CREBRF: variants seen among roughly 807,000 people sequenced by gnomAD.
CREBRF encodes CREB3 regulatory factor.
A neutral mutation model predicts 66.1 loss-of-function variants in CREBRF; 5 were observed. That is an observed-to-expected ratio of 0.08 (90% confidence interval 0.04 to 0.16). The LOEUF (loss-of-function observed/expected upper bound fraction) is 0.16. Among genes scored for constraint, CREBRF ranks in the 10% least tolerant of loss-of-function variants. The pLI, the probability that CREBRF is intolerant of heterozygous loss-of-function variation, is 1.00. For missense variants in CREBRF, 531 were observed against 744.9 expected (o/e 0.71, Z 3.34); for synonymous variants, 229 against 264.4 (o/e 0.87, Z 1.30).
chr5:173,066,343 C>T (rs1409731825), intron 1 of CREBRF, among the ~76,000 whole-genome samples: 1 of 152,130 alleles, frequency 6.6e-6, no homozygotes, highest in Admixed American at 6.6e-5. Context: ...ATGTGACTGC[C>T]TATGTGCCCT....
Position 173,133,807 on chromosome 5 carries a change from T to A in CREBRF, c.*62T>A. 2.3e-6 allele frequency: 2 copies of A among 858,268 alleles called. No individual in the cohort carries two copies. The highest frequency in any genetic ancestry group is 3.1e-5 in the South Asian group (2 of 64,638). The allele number at this position is 858,268 out of a possible 1,614,324, so 53.2% of individuals were successfully genotyped here. A position where few individuals can be genotyped will look rare whatever the true frequency, so the allele number is the denominator to read the frequency against. ...TTTTGTCACGTTATCCATTGTAAAT[T>A]TTCATTCTGTTTTGCATGTCAGTTA... is the stretch of plus-strand genomic sequence containing the variant. On this transcript the variant is annotated 3_prime_UTR_variant, in exon 9 of 9. Coordinates refer to ENST00000296953, the MANE Select transcript of CREBRF (RefSeq NM_153607.3).
chr5:173,134,732 A>G lies in CREBRF; in HGVS notation c.*987A>G, dbSNP rs1759549043. ...GCACAGCTTACATGATACTGTATGA[A>G]TGTATGAAAAAAAAGGAGAAAAAAA... is the stretch of plus-strand genomic sequence containing the variant. On this transcript the variant is annotated 3_prime_UTR_variant, in exon 9 of 9. Coordinates refer to ENST00000296953, the MANE Select transcript of CREBRF (RefSeq NM_153607.3). 6.6e-6 allele frequency: 1 copy of G among 152,348 alleles called. No homozygotes were observed. Among genetic ancestry groups the G allele is most frequent in the African/African-American group, 2.4e-5 (1 of 41,400 alleles). The allele number at this position is 152,348 out of a possible 1,614,324, so 9.4% of individuals were successfully genotyped here. A position where few individuals can be genotyped will look rare whatever the true frequency, so the allele number is the denominator to read the frequency against.
chr5:173,081,224 C>T (rs1371412400), intron 2 of CREBRF, among the ~76,000 whole-genome samples: 1 of 152,158 alleles, frequency 6.6e-6, no homozygotes, highest in Non-Finnish European at 1.5e-5. Flanking sequence ...CTCTCTTTCT[C>T]ATAGACACAC....
At chr5:173,105,681 G>A (rs1758731782) in intron 4 of CREBRF, among the ~76,000 whole-genome samples, 1 of 111,130 alleles carries the variant, frequency 9.0e-6, no homozygotes, top group African/African-American at 3.7e-5. Context: ...GGACAGGCTG[G>A]TCTTGAATTC....
At chr5:173,103,289 G>A (rs1320390994) in intron 4 of CREBRF, among the ~76,000 whole-genome samples, 1 of 152,298 alleles carries the variant, frequency 6.6e-6, no homozygotes, top group East Asian at 1.9e-4. Flanking sequence ...TATTTGGACA[G>A]TTCTCACAAA....
intron 1 of CREBRF, among the ~76,000 whole-genome samples, chr5:173,058,985 C>T (rs1399308742): frequency 1.3e-5 from 2 of 151,134 alleles, no homozygotes; most frequent in African/African-American, 2.4e-5. Context: ...TTAATAGAGA[C>T]GGGGTTTCAC....
At chr5:173,097,003 G>A (rs544447811) in intron 4 of CREBRF, among the ~76,000 whole-genome samples, 1 of 152,202 alleles carries the variant, frequency 6.6e-6, no homozygotes, top group African/African-American at 2.4e-5. Context: ...AACATGGCTT[G>A]CTAGTATTTT....
chr5:173,059,544 G>A (rs781720863), intron 1 of CREBRF, among the ~76,000 whole-genome samples: 4 of 152,136 alleles, frequency 2.6e-5, no homozygotes, highest in African/African-American at 4.8e-5. Flanking sequence ...GATTACAGGC[G>A]TGAGCCACCG....
chr5:173,111,505 G>A (rs539034100), intron 6 of CREBRF, among the ~76,000 whole-genome samples: 1 of 152,302 alleles, frequency 6.6e-6, no homozygotes, highest in South Asian at 2.1e-4. Context: ...GATTACAGGC[G>A]TGAGCCAGTG....
chr5:173,105,885 T>C (rs1758737061), intron 4 of CREBRF, among the ~76,000 whole-genome samples: 1 of 151,964 alleles, frequency 6.6e-6, no homozygotes, highest in Admixed American at 6.5e-5. Context: ...CCCAAAGTGC[T>C]GGGATTACAG....
intron 4 of CREBRF, among the ~76,000 whole-genome samples, chr5:173,099,446 A>G (rs551730018): frequency 5.3e-5 from 8 of 152,250 alleles, no homozygotes; most frequent in African/African-American, 1.4e-4. Context: ...GTGAGCCACT[A>G]TGCCTGGCTA....
At chr5:173,073,597 C>T (rs1001747923) in intron 1 of CREBRF, among the ~76,000 whole-genome samples, 2 of 152,200 alleles carry the variant, frequency 1.3e-5, no homozygotes, top group African/African-American at 4.8e-5. Context: ...GCCTCCAATA[C>T]CTTGCAATTG....
At chr5:173,084,507 A>G (rs1159921403) in intron 2 of CREBRF, among the ~76,000 whole-genome samples, 1 of 152,202 alleles carries the variant, frequency 6.6e-6, no homozygotes, top group Non-Finnish European at 1.5e-5. Flanking sequence ...CTGACGATAC[A>G]CAATTACTCA....
intron 1 of CREBRF, chr5:173,068,188 TAAGA>T: frequency 2.2e-6 from 1 of 446,830 alleles, no homozygotes; most frequent in Non-Finnish European, 4.5e-6. Context: ...GGAAGGATAT[TAAGA>T]ATACTGACTG....
At chr5:173,129,718 CAAA>C (rs36113811) in intron 8 of CREBRF, among the ~76,000 whole-genome samples, 5,492 of 105,610 alleles carry the variant, frequency 0.052, 124 homozygotes, top group Non-Finnish European at 0.072. Context: ...GACCTCATCT[CAAA>C]AAAAAAAAAA....
intron 4 of CREBRF, among the ~76,000 whole-genome samples, chr5:173,093,442 A>G (rs1258054165): frequency 3.3e-5 from 5 of 152,244 alleles, no homozygotes; most frequent in Admixed American, 3.3e-4. Flanking sequence ...TAATTAACAT[A>G]CCCATCACTT....
rs571659642 is a variant in CREBRF at position 173,088,511 on chromosome 5, A to G, written c.136-1804A>G. Among the ~76,000 whole-genome samples, 138 of 151,072 alleles carry G rather than the reference A, an allele frequency of 9.1e-4. 2 individuals are homozygous for G. In the Middle Eastern group the frequency reaches 0.014, roughly 15 times the overall value. Reference sequence around the variant, plus strand: ...TCTCAAAAAAAAAAAAAAAAAATGAATGCATCAAAAATGGTAAAAGATTAT... The same window carrying G: ...TCTCAAAAAAAAAAAAAAAAAATGAGTGCATCAAAAATGGTAAAAGATTAT... On this transcript the variant is annotated intron_variant, in intron 3 of 8. Coordinates refer to ENST00000296953, the MANE Select transcript of CREBRF (RefSeq NM_153607.3).
intron 1 of CREBRF, among the ~76,000 whole-genome samples, chr5:173,056,838 G>A (rs1451998236): frequency 6.6e-6 from 1 of 151,940 alleles, no homozygotes; most frequent in Non-Finnish European, 1.5e-5. Flanking sequence ...TCCGAGCCCG[G>A]GGCCGCTGCT....
At chr5:173,097,819 T>G (rs971583563) in intron 4 of CREBRF, among the ~76,000 whole-genome samples, 2 of 152,118 alleles carry the variant, frequency 1.3e-5, no homozygotes, top group Non-Finnish European at 2.9e-5. Context: ...TGTTTTCATT[T>G]CAACAAAAAA....
Sources: gnomAD v4.1 joint callset for allele counts (sites outside exome capture counted in the v4.1 genomes callset) on GRCh38, gnomAD v4.1.1 for gene constraint, MANE v1.5 for transcripts, NCBI Gene and HGNC (gene_info 2026-07-23, HGNC 2026-07-21) for gene names.